Variants in PPP1CB observed in about 807,000 individuals in gnomAD.
The protein encoded by PPP1CB is serine/threonine-protein phosphatase PP1-beta catalytic subunit.
In PPP1CB, 2 loss-of-function variants were observed where a neutral mutation model predicts 43.7. The ratio of observed to expected loss-of-function variants is 0.05; its 90% CI spans 0.02 to 0.14. The LOEUF (loss-of-function observed/expected upper bound fraction) is 0.14. PPP1CB is among the 10% of genes least tolerant of loss of function. The pLI is 1.00. For synonymous variants in PPP1CB, 136 were observed against 135.6 expected, an observed-to-expected ratio of 1.00 and a Z score of -0.02; for missense variants, 84 against 398.0, an observed-to-expected ratio of 0.21 and a Z score of 6.71.
chr2:28,799,441 A>G lies in PPP1CB; in HGVS notation c.*138A>G. ...TTTAACTTAAGGAGACGGGTAAAGG[A>G]TCTTAAATTTTTTTCTAATAGAAAG... On this transcript the variant is annotated 3_prime_UTR_variant, in exon 8 of 8. Coordinates refer to ENST00000395366, the MANE Select transcript of PPP1CB (RefSeq NM_002709.3). 1.6e-6 allele frequency: 1 copy of G among 616,638 alleles called. No homozygotes were observed. The allele number at this position is 616,638 out of a possible 1,614,324, so 38.2% of individuals were successfully genotyped here. A position where few individuals can be genotyped will look rare whatever the true frequency, so the allele number is the denominator to read the frequency against.
At chr2:28,764,604 A>G (rs1215394090) in intron 1 of PPP1CB, among the ~76,000 whole-genome samples, 1 of 152,134 alleles carries the variant, frequency 6.6e-6, no homozygotes, top group African/African-American at 2.4e-5. Context: ...TTTAACTGCC[A>G]TTAATTAGTA....
Position 28,776,991 on chromosome 2 carries a change from A to G in PPP1CB, c.184+9A>G, listed in dbSNP as rs1244337489. ...ACCGCTGAAAATTTGTGGTATGTAA[A>G]TGGGTAAAGTTGGAAACAACTCTTT... On this transcript the variant is annotated intron_variant, in intron 2 of 7. Transcript: ENST00000395366. 3 of 1,611,724 alleles carry G rather than the reference A, an allele frequency of 1.9e-6. No individual in the cohort carries two copies. Among genetic ancestry groups the G allele is most frequent in the Non-Finnish European group, 2.5e-6 (3 of 1,178,380 alleles).
intron 1 of PPP1CB, among the ~76,000 whole-genome samples, chr2:28,752,604 C>T (rs1376038264): frequency 1.3e-5 from 2 of 152,198 alleles, no homozygotes; most frequent in East Asian, 1.9e-4. Flanking sequence ...GTGCATTGCC[C>T]TTGGCTGCCT....
At chr2:28,798,980 A>T (rs112595919) in intron 7 of PPP1CB, among the ~76,000 whole-genome samples, 66 of 152,112 alleles carry the variant, frequency 4.3e-4, no homozygotes, top group African/African-American at 1.5e-3. Context: ...TAAGGATTGG[A>T]TAGTTGATAG....
At position 28,776,993 on chromosome 2, in the gene PPP1CB, G is replaced by C; in HGVS notation, c.184+11G>C. On this transcript the variant is annotated intron_variant, in intron 2 of 7. Transcript: ENST00000395366. ...CGCTGAAAATTTGTGGTATGTAAAT[G>C]GGTAAAGTTGGAAACAACTCTTTTG... 1.2e-6 allele frequency: 2 copies of C among 1,610,016 alleles called. No individual in the cohort carries two copies. The highest frequency in any genetic ancestry group is 1.7e-6 in the Non-Finnish European group (2 of 1,177,224).
intron 3 of PPP1CB, among the ~76,000 whole-genome samples, chr2:28,780,084 C>CTTTTTTTTTTTTT (rs10559224): frequency 3.0e-5 from 4 of 131,796 alleles, no homozygotes; most frequent in Non-Finnish European, 4.8e-5. Context: ...TCTTTTCTTT[C>CTTTTTTTTTTTTT]TTTTTTTTTT....
intron 1 of PPP1CB, among the ~76,000 whole-genome samples, chr2:28,757,281 G>A (rs1317596602): frequency 2.0e-5 from 3 of 152,122 alleles, no homozygotes; most frequent in Non-Finnish European, 4.4e-5. Flanking sequence ...TTCATCAGTT[G>A]ATGGACATTT....
intron 1 of PPP1CB, 80 bp downstream of exon 1, chr2:28,752,256 G>C (rs1231512919): frequency 7.7e-7 from 1 of 1,295,070 alleles, no homozygotes; most frequent in African/African-American, 1.5e-5. Flanking sequence ...CCGCCGGAAC[G>C]CGAGGGGACC....
chr2:28,767,969 A>C lies in PPP1CB; in HGVS notation c.53-8882A>C, dbSNP rs189800880. On this transcript the variant is annotated intron_variant, in intron 1 of 7. Transcript: ENST00000395366. The stretch of plus-strand genomic sequence containing the variant: ...GTCAGGAAACCTTGGTGCTCCCACC[A>C]AAGTTGTGTGACTGATTAAGTCAGG... Among the ~76,000 whole-genome samples the C allele has an allele frequency of 2.0e-3, 308 of 152,282 alleles. 4 individuals are homozygous for C. The highest frequency in any genetic ancestry group is 3.4e-3 in the Middle Eastern group (1 of 294).
intron 1 of PPP1CB, among the ~76,000 whole-genome samples, chr2:28,758,278 C>T (rs997641206): frequency 2.0e-5 from 3 of 152,084 alleles, no homozygotes; most frequent in African/African-American, 4.8e-5. Context: ...TACAGGCACC[C>T]AGCCCCATTT....
intron 1 of PPP1CB, 72 bp downstream of exon 1, chr2:28,752,248 G>C: frequency 7.4e-7 from 1 of 1,351,698 alleles, no homozygotes; most frequent in Non-Finnish European, 1.0e-6. Context: ...CCCGTCTGCC[G>C]CCGGAACGCG....
chr2:28,774,995 A>G (rs1466397932), intron 1 of PPP1CB, among the ~76,000 whole-genome samples: 1 of 151,850 alleles, frequency 6.6e-6, no homozygotes, highest in Non-Finnish European at 1.5e-5. Context: ...TTTTACTTTT[A>G]TATTAATATA....
At chr2:28,789,586 G>A in intron 6 of PPP1CB, among the ~76,000 whole-genome samples, 1 of 144,360 alleles carries the variant, frequency 6.9e-6, no homozygotes, top group African/African-American at 2.6e-5. Context: ...TTGTAGATAT[G>A]ATTTAGATTT....
chr2:28,756,770 G>C (rs536703839), intron 1 of PPP1CB, among the ~76,000 whole-genome samples: 1 of 151,744 alleles, frequency 6.6e-6, no homozygotes, highest in South Asian at 2.1e-4. Context: ...TTACAGGTGC[G>C]AGGTGCTGCG....
At chr2:28,785,384 G>A (rs1331412983) in intron 5 of PPP1CB, among the ~76,000 whole-genome samples, 1 of 151,836 alleles carries the variant, frequency 6.6e-6, no homozygotes, top group Non-Finnish European at 1.5e-5. Context: ...TGTGTTATGA[G>A]CTTTTTTACA....
intron 1 of PPP1CB, among the ~76,000 whole-genome samples, chr2:28,770,767 T>G (rs1302199104): frequency 3.0e-5 from 4 of 134,186 alleles, no homozygotes; most frequent in Non-Finnish European, 6.7e-5. Context: ...CTCAATAATT[T>G]CAGGATATAT....
At chr2:28,791,623 C>A (rs962760628) in intron 6 of PPP1CB, among the ~76,000 whole-genome samples, 1 of 152,092 alleles carries the variant, frequency 6.6e-6, no homozygotes, top group African/African-American at 2.4e-5. Flanking sequence ...CCACCTCGCC[C>A]GGCCTGACAA....
upstream of PPP1CB, chr2:28,751,757 C>G (rs556879162): frequency 6.3e-4 from 198 of 312,920 alleles, no homozygotes; most frequent in Non-Finnish European, 8.2e-4. Context: ...AGCTGCGTGA[C>G]GCGGCGGCGC....
rs1395903655 is a variant in PPP1CB, at chr2:28,799,210, A to T, written c.891A>T (p.Pro297=). Residue 297 remains proline (P), a synonymous_variant, in exon 8 of 8, where the codon CCA becomes CCT. Transcript: ENST00000395366. ...TAATTTACTTTAAGATATTGAAACC[A>T]TCTGAAAAGAAAGCTAAATACCAGT... ...TLMCSFQILK[P]SEKKAKYQYG... 6.3e-7 allele frequency: 1 copy of T among 1,586,946 alleles called. No homozygotes were observed.
Sources: allele counts gnomAD v4.1 joint callset (sites outside exome capture counted in the v4.1 genomes callset), GRCh38; gene constraint gnomAD v4.1.1; transcripts MANE v1.5; gene names NCBI Gene and HGNC (gene_info 2026-07-23, HGNC 2026-07-21).